Variants in BMPR1A observed in about 807,000 individuals in gnomAD.
BMPR1A encodes bone morphogenetic protein receptor type-1A.
Under a neutral mutation model 66.0 loss-of-function variants are expected in BMPR1A, and 7 were observed. The observed-to-expected ratio is 0.11, with a 90% CI of 0.06 to 0.20. The LOEUF (loss-of-function observed/expected upper bound fraction) is 0.20, where lower values mean the gene tolerates loss of function less well. Among genes scored for constraint, BMPR1A ranks in the 10% least tolerant of loss-of-function variants. The probability of loss-of-function intolerance (pLI) is 1.00; values close to 1 mark genes in which losing one functional copy is unlikely to be tolerated. For missense variants in BMPR1A, 408 were observed against 669.1 expected (o/e 0.61, Z 4.31); for synonymous variants, 200 against 229.7 (o/e 0.87, Z 1.17).
At chr10:86,799,506 CT>C (rs113030092) in intron 1 of BMPR1A, among the ~76,000 whole-genome samples, 2,791 of 64,316 alleles carry the variant, frequency 0.043, 58 homozygotes, top group African/African-American at 0.077. Flanking sequence ...TCCTTCCTTC[CT>C]TTCTTTTCTT....
Position 86,892,005 on chromosome 10 carries a change from A to G in BMPR1A, c.231-122A>G, listed in dbSNP as rs7912862. The stretch of plus-strand genomic sequence containing the variant: ...TGCCAATAAATCACGTGTGAATGCA[A>G]TTCTAAGTCACAAAACAAAGTATTA... On this transcript the variant is annotated intron_variant, in intron 4 of 12. Transcript: ENST00000372037. 7.0e-3 allele frequency: 5,373 copies of G among 768,522 alleles called. 204 individuals carry two copies. The African/African-American group carries it at 0.082, about 12-fold the overall frequency. 47.6% of individuals were successfully genotyped at this position (768,522 alleles called of 1,614,324 possible).
intron 9 of BMPR1A, 62 bp downstream of exon 9, chr10:86,917,388 G>A (rs1589290845): frequency 6.3e-7 from 1 of 1,578,438 alleles, no homozygotes; most frequent in East Asian, 2.2e-5. Context: ...ACAGGTGGAA[G>A]CCTCCATATG....
intron 1 of BMPR1A, among the ~76,000 whole-genome samples, chr10:86,790,187 AAATATATATATATATATATATATATATAT>A (rs1841589000): frequency 3.5e-5 from 1 of 28,462 alleles, no homozygotes; most frequent in Non-Finnish European, 5.4e-5. Context: ...AAAAAAAAAA[AAATATATATATATATATATATATATATAT>A]ATATATATAT....
chr10:86,925,241 C>T lies in BMPR1A; in HGVS notation c.*1522C>T, dbSNP rs1002360647. ...TACATAAACTTATACTTCTTTAATG[C>T]TTTTTAAATATTTATTCTGAGCAAA... On this transcript the variant is annotated 3_prime_UTR_variant, in exon 13 of 13. Coordinates refer to ENST00000372037, the MANE Select transcript of BMPR1A (RefSeq NM_004329.3). 30 of 226,510 alleles carry T rather than the reference C, an allele frequency of 1.3e-4. No individual in the cohort carries two copies. The highest frequency in any genetic ancestry group is 1.2e-4 in the Non-Finnish European group (14 of 114,188). The allele number at this position is 226,510 out of a possible 1,614,324, so 14.0% of individuals were successfully genotyped here.
At chr10:86,814,708 G>A (rs1212105117) in intron 1 of BMPR1A, among the ~76,000 whole-genome samples, 1 of 150,976 alleles carries the variant, frequency 6.6e-6, no homozygotes, top group Non-Finnish European at 1.5e-5. Context: ...TGTGTTTCTG[G>A]CCTTCTAGCA....
chr10:86,873,239 A>T (rs1276663253), intron 2 of BMPR1A, among the ~76,000 whole-genome samples: 1 of 152,154 alleles, frequency 6.6e-6, no homozygotes, highest in East Asian at 1.9e-4. Context: ...CAGCAGGAAC[A>T]ACCATACTCA....
intron 1 of BMPR1A, among the ~76,000 whole-genome samples, chr10:86,835,713 A>G (rs1176460641): frequency 6.6e-6 from 1 of 152,120 alleles, no homozygotes; most frequent in Admixed American, 6.5e-5. Flanking sequence ...TATGATATCC[A>G]TAATCAGTGC....
chr10:86,887,860 A>G (rs1843088073), intron 3 of BMPR1A, among the ~76,000 whole-genome samples: 1 of 152,208 alleles, frequency 6.6e-6, no homozygotes, highest in Non-Finnish European at 1.5e-5. Context: ...GAAAGGTGAC[A>G]TGGCTTGCCC....
At position 86,801,701 on chromosome 10, in the gene BMPR1A, A is replaced by G. The variant is rs531909571; in HGVS notation, c.-267-37164A>G. 1.4e-3 allele frequency among the ~76,000 whole-genome samples: 217 copies of G among 151,506 alleles called. 1 individual carries two copies. The highest frequency in any genetic ancestry group is 5.0e-3 in the African/African-American group (205 of 41,292). On this transcript the variant is annotated intron_variant, in intron 1 of 12. Transcript: ENST00000372037. ...ACTTCCTGTCCTTCACCTTCTTTCA[A>G]CTGTTTAACCTGCCTTATTCTTTTT...
chr10:86,790,053 G>A (rs1287349961), intron 1 of BMPR1A, among the ~76,000 whole-genome samples: 1 of 146,372 alleles, frequency 6.8e-6, no homozygotes, highest in African/African-American at 2.5e-5. Context: ...CTACTCAAGA[G>A]GCTGAAGCAG....
chr10:86,798,173 ATT>A (rs34265941), intron 1 of BMPR1A, among the ~76,000 whole-genome samples: 46,928 of 151,082 alleles, frequency 0.31, 8,327 homozygotes, highest in East Asian at 0.69. Context: ...TTTTAGTCCT[ATT>A]TTTTTTTACT....
intron 3 of BMPR1A, among the ~76,000 whole-genome samples, chr10:86,879,363 T>C (rs1036683644): frequency 8.5e-5 from 13 of 152,236 alleles, no homozygotes; most frequent in Admixed American, 7.8e-4. Context: ...AAATTCATTA[T>C]ATGCTCTTGT....
At position 86,876,003 on chromosome 10, in the gene BMPR1A, A is replaced by T; in HGVS notation, c.-16A>T. On this transcript the variant is annotated 5_prime_UTR_variant, in exon 3 of 13. Coordinates refer to ENST00000372037, the MANE Select transcript of BMPR1A (RefSeq NM_004329.3). ...TATTAAAGGTGACAGTACACAGGAA[A>T]CATTACAATTGAACAATGCCTCAGC... 6.3e-7 allele frequency: 1 copy of T among 1,590,826 alleles called. No individual in the cohort carries two copies. Among genetic ancestry groups the T allele is most frequent in the Non-Finnish European group, 8.6e-7 (1 of 1,160,952 alleles).
At chr10:86,770,393 G>C (rs529491312) in intron 1 of BMPR1A, among the ~76,000 whole-genome samples, 3 of 152,336 alleles carry the variant, frequency 2.0e-5, no homozygotes, top group Admixed American at 2.0e-4. Flanking sequence ...GTCTGCGAGA[G>C]AGAGACCCTG....
chr10:86,836,878 A>G (rs1338386576), intron 1 of BMPR1A, among the ~76,000 whole-genome samples: 1 of 152,174 alleles, frequency 6.6e-6, no homozygotes, highest in African/African-American at 2.4e-5. Context: ...GGCTGCAGTG[A>G]GCTGTGATTG....
At chr10:86,912,614 G>T (rs1265676378) in intron 8 of BMPR1A, among the ~76,000 whole-genome samples, 1 of 152,096 alleles carries the variant, frequency 6.6e-6, no homozygotes, top group African/African-American at 2.4e-5. Flanking sequence ...CAGGTTATAG[G>T]AACCAAGTCC....
At chr10:86,781,036 A>G (rs1430987462) in intron 1 of BMPR1A, among the ~76,000 whole-genome samples, 1 of 151,970 alleles carries the variant, frequency 6.6e-6, no homozygotes, top group Non-Finnish European at 1.5e-5. Flanking sequence ...TTAATCTAAT[A>G]TATCCCTAAC....
chr10:86,783,466 C>T (rs962130670), intron 1 of BMPR1A, among the ~76,000 whole-genome samples: 3 of 152,318 alleles, frequency 2.0e-5, no homozygotes, highest in Admixed American at 1.3e-4. Flanking sequence ...ATAAGGTCTT[C>T]CAGTCCTTGA....
intron 1 of BMPR1A, among the ~76,000 whole-genome samples, chr10:86,837,236 T>C (rs1842362321): frequency 9.4e-6 from 1 of 106,296 alleles, no homozygotes; most frequent in Admixed American, 1.1e-4. Context: ...TCAGGCTGTG[T>C]GTGTGTGTGT....
Sources: gnomAD v4.1 joint callset for allele counts (sites outside exome capture counted in the v4.1 genomes callset) on GRCh38, gnomAD v4.1.1 for gene constraint, MANE v1.5 for transcripts, NCBI Gene and HGNC (gene_info 2026-07-23, HGNC 2026-07-21) for gene names.